PCDHGB3: variants seen among roughly 807,000 people sequenced by gnomAD.
PCDHGB3 encodes the protein protocadherin gamma subfamily B, 3.
In PCDHGB3, 40 loss-of-function variants were observed where a neutral mutation model predicts 59.2. The ratio of observed to expected loss-of-function variants is 0.68; its 90% CI spans 0.52 to 0.88. The LOEUF is 0.88. Among genes scored for constraint, PCDHGB3 ranks in the 40% least tolerant of loss-of-function variants. PCDHGB3 has a pLI of 0.00. For missense variants in PCDHGB3, 1,309 were observed against 1,187.9 expected (o/e 1.10, Z -1.50); for synonymous variants, 581 against 503.6 (o/e 1.15, Z -2.06).
At chr5:141,422,684 C>T (rs2096664410) in intron 1 of PCDHGB3, 1 of 1,604,876 alleles carries the variant, frequency 6.2e-7, no homozygotes, top group Admixed American at 1.7e-5. Flanking sequence ...AAACAGAATG[C>T]CCTGGTCACT....
At chr5:141,479,740 C>T (rs1434967266) in intron 1 of PCDHGB3, 1 of 152,168 alleles carries the variant, frequency 6.6e-6, no homozygotes, top group Non-Finnish European at 1.5e-5. Context: ...AGTATATGCA[C>T]AATGTGAAAG....
chr5:141,393,307 ACTC>A, intron 1 of PCDHGB3: 1 of 1,613,594 alleles, frequency 6.2e-7, no homozygotes, highest in East Asian at 2.2e-5. Flanking sequence ...GTGGGCGTGA[ACTC>A]CCTCCAGAGC....
chr5:141,394,859 C>A, intron 1 of PCDHGB3: 1 of 1,613,758 alleles, frequency 6.2e-7, no homozygotes. Context: ...AGCCTTCGGT[C>A]GACCCGAACG....
intron 1 of PCDHGB3, among the ~76,000 whole-genome samples, chr5:141,438,454 T>C (rs2097961593): frequency 6.6e-6 from 1 of 151,734 alleles, no homozygotes; most frequent in Admixed American, 6.6e-5. Flanking sequence ...AATACAATGC[T>C]TGAGTTCAAT....
rs111458813 is a variant in PCDHGB3 at position 141,483,648 on chromosome 5, TTG to T, written c.2416-11139_2416-11138del. Among the ~76,000 whole-genome samples, 82 of 149,502 alleles carry T rather than the reference TTG, an allele frequency of 5.5e-4. 1 individual carries two copies. The highest frequency in any genetic ancestry group is 2.5e-3 in the Admixed American group (37 of 14,990). Reference sequence around the variant, plus strand: ...GGAGAAGGTATAGAGGGGTGTGTGTTTGTGTGTGTGTGTGTGTGTGTAAAAGA... The same window carrying T: ...GGAGAAGGTATAGAGGGGTGTGTGTTTGTGTGTGTGTGTGTGTGTAAAAGA... On this transcript the variant is annotated intron_variant, in intron 1 of 3. Transcript: ENST00000576222.
chr5:141,384,012 A>C, intron 1 of PCDHGB3: 1 of 1,613,830 alleles, frequency 6.2e-7, no homozygotes. Flanking sequence ...TTTTCTACCT[A>C]CAAGACAGAG....
chr5:141,477,482 C>G lies in PCDHGB3; in HGVS notation c.2416-17325C>G, dbSNP rs1168724444. On this transcript the variant is annotated intron_variant, in intron 1 of 3. Transcript: ENST00000576222. This position sits in a 1 kb window ranked among gnomAD's most constrained non-coding sequence, Gnocchi z 4.9. ...GTCCGACATCAATGACAACCCTCCA[C>G]AATCTTCTCAATCTTCCTACGACGT... 1 of 1,614,118 alleles carries G rather than the reference C, an allele frequency of 6.2e-7. No individual in the cohort carries two copies. The highest frequency in any genetic ancestry group is 1.1e-5 in the South Asian group (1 of 91,074).
In PCDHGB3 at chr5:141,489,185, T is replaced by G; in HGVS notation, c.2416-5622T>G. The G allele has an allele frequency of 7.8e-7, 1 of 1,286,838 alleles. No individual in the cohort carries two copies. The highest frequency in any genetic ancestry group is 1.5e-5 in the African/African-American group (1 of 67,216). 79.7% of individuals were successfully genotyped at this position (1,286,838 alleles called of 1,614,324 possible). On this transcript the variant is annotated intron_variant, in intron 1 of 3. Transcript: ENST00000576222. The surrounding 1 kb of genome is among the most constrained non-coding windows in gnomAD (Gnocchi z 4.5). The stretch of plus-strand genomic sequence containing the variant: ...CAGCTGCTGCATTCCAAGCCCTGGG[T>G]CTACCTTGGAGACAGGACAGCACAG...
chr5:141,508,507 TGGTCCAGCCCAACCTCAG>T (rs1377043623), intron 3 of PCDHGB3, among the ~76,000 whole-genome samples: 1 of 152,178 alleles, frequency 6.6e-6, no homozygotes, highest in Non-Finnish European at 1.5e-5. Flanking sequence ...CTCTCCCTCC[TGGTCCAGCCCAACCTCAG>T]GGCACCCCCC....
chr5:141,428,061 G>A (rs755817800), intron 1 of PCDHGB3: 1 of 1,609,154 alleles, frequency 6.2e-7, no homozygotes, highest in South Asian at 1.1e-5. Flanking sequence ...GGTGGCGGTG[G>A]ACGCAGATTC....
At chr5:141,474,461 CTT>C (rs1264129273) in intron 1 of PCDHGB3, among the ~76,000 whole-genome samples, 1 of 152,214 alleles carries the variant, frequency 6.6e-6, no homozygotes, top group East Asian at 1.9e-4. Context: ...GGGCTATACT[CTT>C]TATTCTAAAT....
chr5:141,419,763 A>T, intron 1 of PCDHGB3: 1 of 1,614,014 alleles, frequency 6.2e-7, no homozygotes, highest in South Asian at 1.1e-5. Flanking sequence ...TTGGGTGACA[A>T]GGACTCGGTC....
intron 1 of PCDHGB3, among the ~76,000 whole-genome samples, chr5:141,373,077 A>C (rs1216533246): frequency 6.6e-6 from 1 of 152,210 alleles, no homozygotes; most frequent in Non-Finnish European, 1.5e-5. Flanking sequence ...TTAATACAGT[A>C]TTATCTCACA....
chr5:141,393,787 G>A (rs1267376494), intron 1 of PCDHGB3: 3 of 1,613,930 alleles, frequency 1.9e-6, no homozygotes, highest in Non-Finnish European at 2.5e-6. Flanking sequence ...GAAGATGTGG[G>A]GGCACTTCTG....
intron 1 of PCDHGB3, among the ~76,000 whole-genome samples, chr5:141,454,796 ATTTTTTTTTTTTT>A (rs61612330): frequency 7.8e-5 from 6 of 77,408 alleles, no homozygotes; most frequent in African/African-American, 1.2e-4. Flanking sequence ...CATGGTTCTA[ATTTTTTTTTTTTT>A]TTTTTTTTTT....
Position 141,490,320 on chromosome 5 carries a change from A to G in PCDHGB3, c.2416-4487A>G. The G allele has an allele frequency of 6.2e-7, 1 of 1,614,228 alleles. No individual in the cohort carries two copies. The highest frequency in any genetic ancestry group is 1.1e-5 in the South Asian group (1 of 91,088). ...TGGCCTCTTTGGCCAACCCTGTCCT[A>G]GAGAGCACACCAGTGGGCACAGTAG... On this transcript the variant is annotated intron_variant, in intron 1 of 3. Transcript: ENST00000576222. The surrounding 1 kb of genome is among the most constrained non-coding windows in gnomAD (Gnocchi z 5.4).
At chr5:141,409,088 GAGAAAAC>G in intron 1 of PCDHGB3, 1 of 1,614,044 alleles carries the variant, frequency 6.2e-7, no homozygotes, top group Non-Finnish European at 8.5e-7. Context: ...CTCATTGGAT[GAGAAAAC>G]AGGTATGATT....
intron 1 of PCDHGB3, chr5:141,404,402 A>T: frequency 6.2e-7 from 1 of 1,613,850 alleles, no homozygotes; most frequent in Non-Finnish European, 8.5e-7. Context: ...TAGCAATGAG[A>T]ATTCTAGAGT....
chr5:141,432,803 G>T lies in PCDHGB3; in HGVS notation c.2415+59994G>T, dbSNP rs751950423. 3 of 1,614,160 alleles carry T rather than the reference G, an allele frequency of 1.9e-6. No homozygotes were observed. The highest frequency in any genetic ancestry group is 2.2e-5 in the East Asian group (1 of 44,874). ...GGACCTCGGCAGCCTCGAGTCTCCA[G>T]CTAACTCTGAAACCTCAGACCTCAC... On this transcript the variant is annotated intron_variant, in intron 1 of 3. Coordinates refer to ENST00000576222, the MANE Select transcript of PCDHGB3 (RefSeq NM_018924.5). This position sits in a 1 kb window ranked among gnomAD's most constrained non-coding sequence, Gnocchi z 6.0.
Sources: gnomAD v4.1 joint callset for allele counts (sites outside exome capture counted in the v4.1 genomes callset) on GRCh38, gnomAD v4.1.1 for gene constraint, Gnocchi (gnomAD v3.1) non-coding constraint, MANE v1.5 for transcripts, NCBI Gene and HGNC (gene_info 2026-07-23, HGNC 2026-07-21) for gene names.